The following DSCAM variants were observed in gnomAD, a reference collection of about 807,000 sequenced individuals.
The protein encoded by DSCAM is cell adhesion molecule DSCAM.
A neutral mutation model predicts 217.7 loss-of-function variants in DSCAM; 47 were observed. That is an observed-to-expected ratio of 0.22 (90% confidence interval 0.17 to 0.28). DSCAM has a LOEUF of 0.28. DSCAM is among the 10% of genes least tolerant of loss of function. The probability of loss-of-function intolerance (pLI) is 1.00; values close to 1 mark genes in which losing one functional copy is unlikely to be tolerated. For missense variants in DSCAM, 2,080 were observed against 2,618.3 expected (o/e 0.79, Z 4.49); for synonymous variants, 1,056 against 1,015.3 (o/e 1.04, Z -0.76).
At chr21:40,465,250 C>T (rs894248406) in intron 3 of DSCAM, among the ~76,000 whole-genome samples, 1 of 152,174 alleles carries the variant, frequency 6.6e-6, no homozygotes, top group East Asian at 1.9e-4. Context: ...TTTTGCTGCA[C>T]GAAACACATG....
intron 20 of DSCAM, among the ~76,000 whole-genome samples, chr21:40,096,285 C>T (rs1052110957): frequency 1.6e-4 from 25 of 152,036 alleles, no homozygotes; most frequent in African/African-American, 5.3e-4. Flanking sequence ...TCAGATGGAA[C>T]CAATGTTAAA....
chr21:40,572,077 TGTGTGTGG>T (rs942519896), intron 3 of DSCAM, among the ~76,000 whole-genome samples: 27 of 78,902 alleles, frequency 3.4e-4, no homozygotes, highest in South Asian at 9.2e-4. Flanking sequence ...TCAACATGTG[TGTGTGTGG>T]GTGTGTGTGT....
intron 20 of DSCAM, among the ~76,000 whole-genome samples, chr21:40,116,227 C>A (rs899764060): frequency 6.6e-5 from 10 of 152,100 alleles, no homozygotes; most frequent in Non-Finnish European, 1.2e-4. Flanking sequence ...AGGATTAATA[C>A]TTGGGTGATG....
chr21:40,626,446 C>G (rs930616049), intron 3 of DSCAM, among the ~76,000 whole-genome samples: 18 of 152,170 alleles, frequency 1.2e-4, no homozygotes, highest in African/African-American at 4.3e-4. Flanking sequence ...ATCTTCTTCA[C>G]CCACCCACTG....
intron 1 of DSCAM, among the ~76,000 whole-genome samples, chr21:40,756,787 G>A (rs1173499931): frequency 6.6e-6 from 1 of 152,168 alleles, no homozygotes; most frequent in African/African-American, 2.4e-5. Context: ...ACAGCCATAG[G>A]AGGGAGGTAT....
At chr21:40,147,722 A>C (rs994495484) in intron 16 of DSCAM, among the ~76,000 whole-genome samples, 2 of 152,202 alleles carry the variant, frequency 1.3e-5, no homozygotes, top group African/African-American at 4.8e-5. Context: ...AGCCTGTACA[A>C]TTTAGTGTCT....
chr21:40,063,990 C>T (rs1353323988), intron 27 of DSCAM, among the ~76,000 whole-genome samples: 8 of 152,054 alleles, frequency 5.3e-5, no homozygotes, highest in African/African-American at 1.7e-4. Context: ...TATACTCCAC[C>T]CACACAGCAA....
At chr21:40,798,605 A>G (rs906043694) in intron 1 of DSCAM, among the ~76,000 whole-genome samples, 52 of 152,252 alleles carry the variant, frequency 3.4e-4, no homozygotes, top group African/African-American at 1.2e-3. Context: ...ATAGTAGCAG[A>G]TACATACGAT....
intron 21 of DSCAM, among the ~76,000 whole-genome samples, chr21:40,090,512 C>T (rs969091990): frequency 1.6e-4 from 25 of 152,342 alleles, no homozygotes; most frequent in East Asian, 1.3e-3. Context: ...GGGGCATTTT[C>T]GCCTGGTTTT....
At chr21:40,028,702 T>C (rs2088448660) in intron 32 of DSCAM, among the ~76,000 whole-genome samples, 1 of 152,198 alleles carries the variant, frequency 6.6e-6, no homozygotes, top group African/African-American at 2.4e-5. Flanking sequence ...CTCGCTCTGC[T>C]TCGGCTCACG....
rs767144838 is a variant in DSCAM at position 40,189,130 on chromosome 21, T to C, written c.2465A>G (p.Glu822Gly). The C allele has an allele frequency of 2.7e-5, 43 of 1,614,016 alleles. No individual in the cohort carries two copies. Among genetic ancestry groups the C allele is most frequent in the Non-Finnish European group, 3.4e-5 (40 of 1,180,038 alleles). ...AGGGTTAATGATTCGGTCCTCCTTC[T>C]CCCAGCGGACTATAATGGGCTTCTC... ...HGEKPIIVRWEKEDRIINPEM... is the reference protein window; with the variant it reads ...HGEKPIIVRWGKEDRIINPEM... Residue 822 changes from glutamate to glycine, a missense_variant, in exon 12 of 33, where the codon GAG becomes GGG. Coordinates refer to ENST00000400454, the MANE Select transcript of DSCAM (RefSeq NM_001389.5).
At chr21:40,481,660 C>T (rs1010395639) in intron 3 of DSCAM, among the ~76,000 whole-genome samples, 6 of 151,734 alleles carry the variant, frequency 4.0e-5, no homozygotes, top group Non-Finnish European at 7.4e-5. Context: ...AACAACACTA[C>T]GAAAGTGTGA....
intron 3 of DSCAM, among the ~76,000 whole-genome samples, chr21:40,507,351 T>C (rs2076218025): frequency 6.6e-6 from 1 of 152,096 alleles, no homozygotes; most frequent in Non-Finnish European, 1.5e-5. Flanking sequence ...TTTCAGAAAA[T>C]AGTCCTATGC....
At chr21:40,062,941 A>G in intron 27 of DSCAM, 42 bp from the exon 28 acceptor site, 1 of 1,544,770 alleles carries the variant, frequency 6.5e-7, no homozygotes, top group South Asian at 1.2e-5. Context: ...TAAATAACTC[A>G]TTAACATTCA....
Position 40,144,829 on chromosome 21 carries a change from A to G in DSCAM, c.3019-98T>C, listed in dbSNP as rs2090336023. ...ACGTAGGAAAGCAGAAATAAAGTGG[A>G]GTCATCGCCACGATGCTGGGGCGGT... On this transcript the variant is annotated intron_variant, in intron 16 of 32. Transcript: ENST00000400454. This position sits in a 1 kb window ranked among gnomAD's most constrained non-coding sequence, Gnocchi z 4.8. 3 of 1,529,336 alleles carry G rather than the reference A, an allele frequency of 2.0e-6. No homozygotes were observed. In the South Asian group the frequency reaches 3.6e-5, roughly 18 times the overall value. The allele number at this position is 1,529,336 out of a possible 1,614,324, so 94.7% of individuals were successfully genotyped here. A position where few individuals can be genotyped will look rare whatever the true frequency, so the allele number is the denominator to read the frequency against.
intron 3 of DSCAM, among the ~76,000 whole-genome samples, chr21:40,395,189 G>A (rs1308426516): frequency 6.6e-6 from 1 of 152,076 alleles, no homozygotes; most frequent in Non-Finnish European, 1.5e-5. Flanking sequence ...ATTTGATGTG[G>A]TGCAGTATTT....
At chr21:40,477,253 CTCTA>C (rs1361528271) in intron 3 of DSCAM, among the ~76,000 whole-genome samples, 1 of 152,066 alleles carries the variant, frequency 6.6e-6, no homozygotes, top group Non-Finnish European at 1.5e-5. Context: ...AAAACCAGCT[CTCTA>C]TCTGCCATAG....
In DSCAM at chr21:40,187,187, C is replaced by T. The variant is rs1204489371; in HGVS notation, c.2723G>A (p.Gly908Glu). 1 of 1,614,120 alleles carries T rather than the reference C, an allele frequency of 6.2e-7. No individual in the cohort carries two copies. Among genetic ancestry groups the T allele is most frequent in the African/African-American group, 1.3e-5 (1 of 75,022 alleles). ...ARTITLRWTM[G>E]FDGNSPITGY... ...TGTGATGGGACTGTTTCCATCAAAC[C>T]CCATGGTCCACCTGAGCGTAATTGT... Residue 908 changes from glycine (G) to glutamate (E), a missense_variant, in exon 14 of 33, where the codon GGG becomes GAG. Physicochemically the swap from Gly to Glu is moderately conservative, Grantham distance 98. Transcript: ENST00000400454.
intron 3 of DSCAM, among the ~76,000 whole-genome samples, chr21:40,541,958 A>G (rs1228135127): frequency 6.6e-6 from 1 of 152,242 alleles, no homozygotes; most frequent in Non-Finnish European, 1.5e-5. Context: ...GATGATCAAA[A>G]AGAATGTCAC....
Sources: gnomAD v4.1 joint callset for allele counts (sites outside exome capture counted in the v4.1 genomes callset) on GRCh38, gnomAD v4.1.1 for gene constraint, Gnocchi (gnomAD v3.1) non-coding constraint, MANE v1.5 for transcripts, NCBI Gene and HGNC (gene_info 2026-07-23, HGNC 2026-07-21) for gene names.